ELF4: variants seen among roughly 807,000 people sequenced by gnomAD.
The protein encoded by ELF4 is E74 like ETS transcription factor 4.
In ELF4, 10 loss-of-function variants were observed where a neutral mutation model predicts 31.7. That is an observed-to-expected ratio of 0.32 (90% CI 0.19 to 0.54). ELF4 has a LOEUF of 0.54. ELF4 is among the 20% of genes least tolerant of loss of function. The pLI is 0.95. For synonymous variants in ELF4, 208 were observed against 226.7 expected (o/e 0.92, Z 0.74); for missense variants, 418 against 522.0 (o/e 0.80, Z 1.94).
chrX:130,092,988 G>A (rs923591025), intron 1 of ELF4, among the ~76,000 whole-genome samples: 2 of 106,732 alleles, frequency 1.9e-5, no homozygotes, highest in South Asian at 4.1e-4. Context: ...CTCAGGTTTC[G>A]AATCTTGAGA....
chrX:130,101,466 T>C (rs1933251020), intron 1 of ELF4, among the ~76,000 whole-genome samples: 1 of 112,018 alleles, frequency 8.9e-6, no homozygotes, highest in African/African-American at 3.2e-5. Flanking sequence ...AAAATAATGG[T>C]AACATAAGGA....
chrX:130,102,853 TGAGAGAGAGA>T (rs748191970), intron 1 of ELF4, among the ~76,000 whole-genome samples: 324 of 58,460 alleles, frequency 5.5e-3, no homozygotes, highest in South Asian at 8.8e-3. Context: ...AAGATAAAGA[TGAGAGAGAGA>T]GAGAGAGAGA....
chrX:130,107,653 G>A (rs978663690), intron 1 of ELF4, among the ~76,000 whole-genome samples: 4 of 112,387 alleles, frequency 3.6e-5, no homozygotes, highest in Non-Finnish European at 5.6e-5. Flanking sequence ...TACTAGGACC[G>A]GCTCTGAGCA....
chrX:130,098,019 G>A (rs942015495), intron 1 of ELF4, among the ~76,000 whole-genome samples: 1 of 112,214 alleles, frequency 8.9e-6, no homozygotes, highest in Middle Eastern at 4.6e-3. Flanking sequence ...TCACCCAGCC[G>A]GCTGCCCCCG....
chrX:130,107,665 G>A (rs1933400226), intron 1 of ELF4, among the ~76,000 whole-genome samples: 2 of 112,467 alleles, frequency 1.8e-5, no homozygotes, highest in Admixed American at 1.9e-4. Context: ...CTCTGAGCAA[G>A]TGTTTGCTGA....
chrX:130,067,527 T>C lies in ELF4; in HGVS notation c.1188-2A>G, dbSNP rs1569400694. 8.3e-7 allele frequency: 1 copy of C among 1,211,145 alleles called. No individual in the cohort carries two copies. Among genetic ancestry groups the C allele is most frequent in the Admixed American group, 2.2e-5 (1 of 46,111 alleles). The stretch of plus-strand genomic sequence containing the variant: ...ATGTTGCTGGGCACTGAAGATGCAC[T>C]GAGAAGAAACAGAGAACAGAGTTGG... On this transcript the variant is annotated splice_acceptor_variant, in intron 8 of 8. Coordinates refer to ENST00000308167, the MANE Select transcript of ELF4 (RefSeq NM_001421.4). LOFTEE classifies it high-confidence loss of function.
chrX:130,110,253 G>T (rs1248515834), intron 1 of ELF4, 72 bp downstream of exon 1: 9 of 109,369 alleles, frequency 8.2e-5, no homozygotes, highest in Admixed American at 2.8e-4. Context: ...GGGCCCCGGC[G>T]CTCTCGATTC....
intron 1 of ELF4, among the ~76,000 whole-genome samples, chrX:130,089,526 A>AC (rs1262400503): frequency 3.8e-5 from 4 of 104,320 alleles, no homozygotes; most frequent in Non-Finnish European, 7.8e-5. Context: ...AAAAAAAAAA[A>AC]AAAAAAAAAA....
At chrX:130,085,049 C>T (rs1392493726) in intron 1 of ELF4, among the ~76,000 whole-genome samples, 6 of 112,022 alleles carry the variant, frequency 5.4e-5, no homozygotes, top group East Asian at 2.8e-4. Context: ...ACACTTGGCT[C>T]GGGGAATTGA....
intron 4 of ELF4, 111 bp from the exon 5 acceptor site, chrX:130,072,528 CA>C (rs1932798306): frequency 5.3e-6 from 4 of 750,580 alleles, no homozygotes; most frequent in African/African-American, 4.1e-5. Context: ...CTCATCCCCC[CA>C]GCCCCAGACA....
Position 130,108,773 on chromosome X carries a change from G to A in ELF4, c.-210+1552C>T, listed in dbSNP as rs758525401. ...CCACTCCTTCGGCTCACAGCAAGAG[G>A]CTGGGTGAGGGTGGTAGCATGGAGC... On this transcript the variant is annotated intron_variant, in intron 1 of 8. Transcript: ENST00000308167. Among the ~76,000 whole-genome samples, 5 of 110,203 alleles carry A rather than the reference G, an allele frequency of 4.5e-5. No individual in the cohort carries two copies. In the East Asian group the frequency reaches 1.4e-3, roughly 31 times the overall value.
In ELF4 at chrX:130,089,509, C is replaced by CAAAAAAAAAAAA. The variant is rs777456574; in HGVS notation, c.-209-7982_-209-7971dup. 1.5e-4 allele frequency among the ~76,000 whole-genome samples: 3 copies of CAAAAAAAAAAAA among 19,456 alleles called. 1 individual carries two copies. Among genetic ancestry groups the CAAAAAAAAAAAA allele is most frequent in the African/African-American group, 8.7e-4 (3 of 3,444 alleles). The allele number at this position is 19,456 out of a possible 115,157, so 16.9% of individuals were successfully genotyped here. On this transcript the variant is annotated intron_variant, in intron 1 of 8. Coordinates refer to ENST00000308167, the MANE Select transcript of ELF4 (RefSeq NM_001421.4). ...GGGCAACAAGAGTGAGACCTCAGCT[C>CAAAAAAAAAAAA]AAAAAAAAAAAAAAAAAAAAAAAAA...
At chrX:130,070,601 T>TAA (rs61298314) in intron 7 of ELF4, among the ~76,000 whole-genome samples, 12 of 84,762 alleles carry the variant, frequency 1.4e-4, no homozygotes, top group African/African-American at 5.2e-4. Context: ...TAAATAAAAA[T>TAA]AAAAAAAAAA....
rs893903646 is a variant in ELF4 at position 130,090,401 on chromosome X, A to C, written c.-209-8862T>G. On this transcript the variant is annotated intron_variant, in intron 1 of 8. Coordinates refer to ENST00000308167, the MANE Select transcript of ELF4 (RefSeq NM_001421.4). Reference sequence around the variant, plus strand: ...AAAAAAAAAGAAGAAGAAGAAGAAGAAGCCACACACATGCAGGGCACATTG... The same window carrying C: ...AAAAAAAAAGAAGAAGAAGAAGAAGCAGCCACACACATGCAGGGCACATTG... Among the ~76,000 whole-genome samples, 5 of 109,619 alleles carry C rather than the reference A, an allele frequency of 4.6e-5. 1 individual carries two copies. Among genetic ancestry groups the C allele is most frequent in the East Asian group, 2.8e-4 (1 of 3,509 alleles).
intron 5 of ELF4, 40 bp downstream of exon 5, chrX:130,072,186 C>CAAA: frequency 1.2e-6 from 1 of 830,778 alleles, no homozygotes; most frequent in Non-Finnish European, 1.8e-6. Context: ...CCCCGCCCAT[C>CAAA]CCCTCGGAGA....
chrX:130,102,028 C>A (rs1318729893), intron 1 of ELF4, among the ~76,000 whole-genome samples: 1 of 111,118 alleles, frequency 9.0e-6, no homozygotes, highest in Non-Finnish European at 1.9e-5. Flanking sequence ...TGCCTGCAAT[C>A]CCAGCTACTT....
chrX:130,083,874 A>ATG (rs1326810207), intron 1 of ELF4, among the ~76,000 whole-genome samples: 6 of 100,812 alleles, frequency 6.0e-5, no homozygotes, highest in African/African-American at 1.1e-4. Context: ...ATGGATGGAT[A>ATG]GATTGGTGGT....
At chrX:130,110,594 CCCG>C (rs1435473939), upstream of ELF4, 1 of 110,032 alleles carries the variant, frequency 9.1e-6, no homozygotes, top group Non-Finnish European at 1.9e-5. Flanking sequence ...CCCGCCTGCC[CCCG>C]CCACCCCGCG....
chrX:130,075,328 G>A (rs1326855388), intron 2 of ELF4, among the ~76,000 whole-genome samples: 1 of 105,405 alleles, frequency 9.5e-6, no homozygotes, highest in Admixed American at 1.0e-4. Flanking sequence ...CCAGGCTGGA[G>A]GGCAGTGGCG....
Sources: gnomAD v4.1 joint callset for allele counts (sites outside exome capture counted in the v4.1 genomes callset) on GRCh38, gnomAD v4.1.1 for gene constraint, MANE v1.5 for transcripts, NCBI Gene and HGNC (gene_info 2026-07-23, HGNC 2026-07-21) for gene names.